Variants in DLG2 observed in about 807,000 individuals in gnomAD.
The protein encoded by DLG2 is discs large MAGUK scaffold protein 2, also known as disks large homolog 2.
DLG2 carries 45 observed loss-of-function variants against 132.5 expected under a neutral mutation model. That is an observed-to-expected ratio of 0.34 (90% CI 0.27 to 0.44). The LOEUF is 0.44. Among genes scored for constraint, DLG2 ranks in the 20% least tolerant of loss-of-function variants. The pLI, the probability that DLG2 is intolerant of heterozygous loss-of-function variation, is 1.00. For missense variants in DLG2, 1,045 were observed against 1,196.9 expected (o/e 0.87, Z 1.87); for synonymous variants, 424 against 419.6 (o/e 1.01, Z -0.13).
At chr11:85,468,701 T>C (rs2153071434) in intron 3 of DLG2, among the ~76,000 whole-genome samples, 2 of 152,330 alleles carry the variant, frequency 1.3e-5, no homozygotes, top group Middle Eastern at 6.8e-3. Flanking sequence ...TTCTGTTCTT[T>C]TACATTTGCT....
intron 3 of DLG2, among the ~76,000 whole-genome samples, chr11:85,397,362 T>C (rs947195697): frequency 6.6e-6 from 1 of 152,076 alleles, no homozygotes; most frequent in African/African-American, 2.4e-5. Context: ...ATGAAGAAAC[T>C]GCATCAATTA....
intron 6 of DLG2, among the ~76,000 whole-genome samples, chr11:84,567,712 A>C (rs1330159743): frequency 6.6e-6 from 1 of 152,164 alleles, no homozygotes. Flanking sequence ...CCTTAGGAAA[A>C]GGTCAATAAT....
chr11:84,818,074 C>G (rs1282758956), intron 6 of DLG2, among the ~76,000 whole-genome samples: 1 of 151,908 alleles, frequency 6.6e-6, no homozygotes, highest in Admixed American at 6.6e-5. Context: ...TTAACTGATG[C>G]CTCACAACTC....
intron 6 of DLG2, among the ~76,000 whole-genome samples, chr11:84,551,101 T>C (rs1311697883): frequency 2.0e-5 from 3 of 152,096 alleles, no homozygotes; most frequent in Non-Finnish European, 4.4e-5. Flanking sequence ...CATGGGAAAG[T>C]TGAAAAATAA....
intron 3 of DLG2, among the ~76,000 whole-genome samples, chr11:85,391,226 C>G (rs779688479): frequency 6.6e-6 from 1 of 151,820 alleles, no homozygotes; most frequent in Non-Finnish European, 1.5e-5. Context: ...AAATTCCTCC[C>G]AGATTAAACC....
intron 14 of DLG2, among the ~76,000 whole-genome samples, chr11:83,934,967 G>GGTCATATAT (rs1444797511): frequency 6.6e-6 from 1 of 152,012 alleles, no homozygotes; most frequent in Non-Finnish European, 1.5e-5. Context: ...GATGGATTTG[G>GGTCATATAT]GTCATATATG....
At chr11:84,467,492 AG>A (rs1288956574) in intron 7 of DLG2, among the ~76,000 whole-genome samples, 1 of 151,398 alleles carries the variant, frequency 6.6e-6, no homozygotes, top group Non-Finnish European at 1.5e-5. Context: ...AAGCGTGTAA[AG>A]GGATTTGTTT....
intron 6 of DLG2, among the ~76,000 whole-genome samples, chr11:84,885,994 G>T (rs143179134): frequency 2.6e-5 from 4 of 152,054 alleles, no homozygotes; most frequent in African/African-American, 9.7e-5. Context: ...TTGGGTTCAG[G>T]AGATTTAAAG....
At chr11:85,403,842 C>A (rs948843143) in intron 3 of DLG2, among the ~76,000 whole-genome samples, 2 of 151,810 alleles carry the variant, frequency 1.3e-5, no homozygotes, top group Non-Finnish European at 2.9e-5. Flanking sequence ...ATATACCACA[C>A]AAAAGAAGAC....
intron 17 of DLG2, among the ~76,000 whole-genome samples, chr11:83,827,639 T>C (rs2053267098): frequency 6.6e-6 from 1 of 152,168 alleles, no homozygotes; most frequent in African/African-American, 2.4e-5. Context: ...GGTGATCATT[T>C]TTGGATGCCT....
At chr11:84,780,356 C>G (rs1021419716) in intron 6 of DLG2, among the ~76,000 whole-genome samples, 1 of 151,868 alleles carries the variant, frequency 6.6e-6, no homozygotes, top group African/African-American at 2.4e-5. Flanking sequence ...AATTAAAAAA[C>G]TATACATAGA....
intron 8 of DLG2, among the ~76,000 whole-genome samples, chr11:84,174,932 G>A (rs181996531): frequency 6.6e-6 from 1 of 152,208 alleles, no homozygotes; most frequent in East Asian, 1.9e-4. Flanking sequence ...TGAGAGCTTA[G>A]CATTTTAATG....
chr11:84,985,594 C>T (rs1365722814), intron 6 of DLG2, among the ~76,000 whole-genome samples: 1 of 151,986 alleles, frequency 6.6e-6, no homozygotes, highest in Admixed American at 6.6e-5. Context: ...ACAAACCAAA[C>T]ACAAACCCAG....
At chr11:83,924,144 A>G (rs891006467) in intron 15 of DLG2, among the ~76,000 whole-genome samples, 1 of 152,218 alleles carries the variant, frequency 6.6e-6, no homozygotes, top group Non-Finnish European at 1.5e-5. Context: ...AAATGCCCAG[A>G]AAAACAAGGG....
At chr11:84,502,756 T>C (rs1024799771) in intron 7 of DLG2, among the ~76,000 whole-genome samples, 3 of 152,118 alleles carry the variant, frequency 2.0e-5, no homozygotes, top group South Asian at 4.1e-4. Flanking sequence ...TATTTCACTA[T>C]GTAGGTCTAC....
intron 9 of DLG2, among the ~76,000 whole-genome samples, chr11:84,102,827 T>C (rs894987736): frequency 2.6e-5 from 4 of 152,172 alleles, no homozygotes; most frequent in Non-Finnish European, 5.9e-5. Context: ...AATATGTCTT[T>C]GAAATAATAG....
At chr11:85,202,130 T>G (rs1215227787) in intron 4 of DLG2, among the ~76,000 whole-genome samples, 1 of 150,398 alleles carries the variant, frequency 6.6e-6, no homozygotes, top group African/African-American at 2.5e-5. Flanking sequence ...AAAAGCAATG[T>G]GATAAAAAGC....
chr11:84,260,126 C>A (rs976045493), intron 7 of DLG2, among the ~76,000 whole-genome samples: 1 of 152,096 alleles, frequency 6.6e-6, no homozygotes, highest in Non-Finnish European at 1.5e-5. Flanking sequence ...CTCAGATAGG[C>A]TGAGTTGGTC....
At chr11:85,321,085 G>A (rs2152824023) in intron 3 of DLG2, among the ~76,000 whole-genome samples, 1 of 151,962 alleles carries the variant, frequency 6.6e-6, no homozygotes, top group African/African-American at 2.4e-5. Flanking sequence ...AGCACTCTAG[G>A]TAAGAGATGA....
Sources: allele counts gnomAD v4.1 joint callset (sites outside exome capture counted in the v4.1 genomes callset), GRCh38; gene constraint gnomAD v4.1.1; transcripts MANE v1.5; gene names NCBI Gene and HGNC (gene_info 2026-07-23, HGNC 2026-07-21).